The following SRGAP2 variants were observed in gnomAD, a reference collection of about 807,000 sequenced individuals.
SRGAP2 encodes SLIT-ROBO Rho GTPase-activating protein 2.
A neutral mutation model predicts 57.2 loss-of-function variants in SRGAP2; 15 were observed. The ratio of observed to expected loss-of-function variants is 0.26; its 90% CI spans 0.18 to 0.40. SRGAP2 has a LOEUF of 0.40. SRGAP2 is among the 10% of genes least tolerant of loss of function. The pLI is 1.00. For missense variants in SRGAP2, 520 were observed against 669.6 expected (o/e 0.78, Z 2.47); for synonymous variants, 249 against 248.0 (o/e 1.00, Z -0.04).
intron 21 of SRGAP2, chr1:206,455,240 C>T: frequency 3.4e-6 from 2 of 596,030 alleles, no homozygotes; most frequent in Non-Finnish European, 6.0e-6. Context: ...GCTAGCTGCC[C>T]TCGTGCTGTG....
intron 12 of SRGAP2, among the ~76,000 whole-genome samples, chr1:206,420,949 CCT>C (rs1229427642): frequency 6.6e-6 from 1 of 152,110 alleles, no homozygotes; most frequent in Non-Finnish European, 1.5e-5. Flanking sequence ...TTGAACCAGT[CCT>C]CTCCTATTCT....
chr1:206,448,951 GA>G (rs1461908171), intron 18 of SRGAP2, among the ~76,000 whole-genome samples: 15 of 152,288 alleles, frequency 9.8e-5, no homozygotes, highest in African/African-American at 2.4e-4. Flanking sequence ...GATGAGTTCT[GA>G]ACTGGTCACC....
At chr1:206,408,191 AT>A (rs1553358084) in intron 10 of SRGAP2, among the ~76,000 whole-genome samples, 4 of 110,590 alleles carry the variant, frequency 3.6e-5, no homozygotes, top group African/African-American at 1.4e-4. Context: ...GAGAACTTTC[AT>A]TTTTACTTCA....
chr1:206,439,962 T>C lies in SRGAP2; in HGVS notation c.1769-14T>C. 1 of 780,450 alleles carries C rather than the reference T, an allele frequency of 1.3e-6. No individual in the cohort carries two copies. Among genetic ancestry groups the C allele is most frequent in the South Asian group, 1.3e-5 (1 of 74,516 alleles). 48.3% of individuals were successfully genotyped at this position (780,450 alleles called of 1,614,324 possible). ...GTCATAGTGGAGGATAACACATGGCTTTCTTCTTTTCAGCAATGGACAACC... is the reference window on the plus strand; with the variant it reads ...GTCATAGTGGAGGATAACACATGGCCTTCTTCTTTTCAGCAATGGACAACC... On this transcript the variant is annotated splice_polypyrimidine_tract_variant and intron_variant, in intron 16 of 22. Coordinates refer to ENST00000573034, the MANE Select transcript of SRGAP2 (RefSeq NM_015326.5).
At chr1:206,277,721 G>A (rs1368137215) in intron 2 of SRGAP2, among the ~76,000 whole-genome samples, 1 of 152,178 alleles carries the variant, frequency 6.6e-6, no homozygotes. Flanking sequence ...TGTAATCCCA[G>A]CACTTTGGGA....
At chr1:206,438,144 G>A (rs782170168) in intron 16 of SRGAP2, 46 bp downstream of exon 16, 17 of 771,750 alleles carry the variant, frequency 2.2e-5, no homozygotes, top group Middle Eastern at 2.3e-4. Flanking sequence ...CTACAGCACC[G>A]GTAGCAAGAG....
chr1:206,341,382 G>C (rs2102914409), intron 3 of SRGAP2, among the ~76,000 whole-genome samples: 1 of 152,258 alleles, frequency 6.6e-6, no homozygotes, highest in African/African-American at 2.4e-5. Flanking sequence ...TATAGGCTTG[G>C]TTTGAATTCT....
At chr1:206,385,305 C>T (rs1250994453) in intron 5 of SRGAP2, among the ~76,000 whole-genome samples, 11 of 150,554 alleles carry the variant, frequency 7.3e-5, no homozygotes, top group African/African-American at 1.7e-4. Context: ...AGAAACACAT[C>T]GATGTGAGCC....
chr1:206,428,907 C>CA (rs539923628), intron 13 of SRGAP2, among the ~76,000 whole-genome samples: 101 of 152,234 alleles, frequency 6.6e-4, no homozygotes, highest in Admixed American at 1.8e-3. Context: ...CTCGGCCTCT[C>CA]AAAGTGCTGG....
At position 206,253,182 on chromosome 1, in the gene SRGAP2, C is replaced by G. The variant is rs551566303; in HGVS notation, c.67+47145C>G. Among the ~76,000 whole-genome samples the G allele has an allele frequency of 1.3e-4, 19 of 151,716 alleles. No homozygotes were observed. The South Asian group carries it at 4.0e-3, about 32-fold the overall frequency. On this transcript the variant is annotated intron_variant, in intron 2 of 22. Transcript: ENST00000573034. The stretch of plus-strand genomic sequence containing the variant: ...GGTCTGTCGAGGAGAACGCTGTTCT[C>G]GTTCTGCTGCCTTTGGTGGTGCTGT...
chr1:206,283,400 A>T (rs1356912762), intron 2 of SRGAP2, among the ~76,000 whole-genome samples: 35 of 152,194 alleles, frequency 2.3e-4, no homozygotes, highest in Admixed American at 1.4e-3. Context: ...TGGGCAGGGC[A>T]TGGTGGCTCA....
chr1:206,401,916 A>G (rs545254370), intron 8 of SRGAP2, among the ~76,000 whole-genome samples: 15 of 152,048 alleles, frequency 9.9e-5, no homozygotes, highest in South Asian at 4.2e-4. Flanking sequence ...GGTTCAAACT[A>G]TGCATAGAGA....
chr1:206,378,290 A>G (rs1346003174), intron 4 of SRGAP2, among the ~76,000 whole-genome samples: 1 of 152,100 alleles, frequency 6.6e-6, no homozygotes, highest in Non-Finnish European at 1.5e-5. Context: ...GACCAGCCTG[A>G]GCAAACTCAG....
chr1:206,371,726 G>A (rs1378619527), intron 4 of SRGAP2, among the ~76,000 whole-genome samples: 17 of 105,398 alleles, frequency 1.6e-4, no homozygotes, highest in East Asian at 3.2e-4. Flanking sequence ...GTGAGACTCC[G>A]TCTCCAAAAA....
chr1:206,370,173 G>A (rs1290463363), intron 4 of SRGAP2, among the ~76,000 whole-genome samples: 2 of 151,956 alleles, frequency 1.3e-5, no homozygotes, highest in Admixed American at 6.6e-5. Flanking sequence ...AGCTGAGGCA[G>A]GAGAATGGCG....
chr1:206,370,819 A>G (rs1218691613), intron 4 of SRGAP2, among the ~76,000 whole-genome samples: 1 of 152,242 alleles, frequency 6.6e-6, no homozygotes, highest in Non-Finnish European at 1.5e-5. Flanking sequence ...AAAGAGCTCA[A>G]TGTGTAGATC....
chr1:206,214,722 T>C (rs1553303035), intron 2 of SRGAP2: 1 of 150,184 alleles, frequency 6.7e-6, no homozygotes, highest in Non-Finnish European at 1.5e-5. Flanking sequence ...AACCCAGGAG[T>C]TGGAGGTTGC....
intron 13 of SRGAP2, among the ~76,000 whole-genome samples, chr1:206,422,112 A>T (rs1383697244): frequency 6.6e-6 from 1 of 152,210 alleles, no homozygotes; most frequent in African/African-American, 2.4e-5. Flanking sequence ...GGGGAAAGCT[A>T]ATCCAGGCTT....
intron 17 of SRGAP2, among the ~76,000 whole-genome samples, chr1:206,445,566 A>T (rs1182412610): frequency 6.6e-6 from 1 of 152,252 alleles, no homozygotes; most frequent in Non-Finnish European, 1.5e-5. Context: ...ATAAGTCTAG[A>T]GGCTAGAAAG....
Sources: allele counts gnomAD v4.1 joint callset (sites outside exome capture counted in the v4.1 genomes callset), GRCh38; gene constraint gnomAD v4.1.1; transcripts MANE v1.5; gene names NCBI Gene and HGNC (gene_info 2026-07-23, HGNC 2026-07-21).